SPAG5: variants seen among roughly 807,000 people sequenced by gnomAD.
The protein encoded by SPAG5 is sperm-associated antigen 5.
In SPAG5, 99 loss-of-function variants were observed where a neutral mutation model predicts 145.4. That is an observed-to-expected ratio of 0.68 (90% CI 0.58 to 0.80). The LOEUF (loss-of-function observed/expected upper bound fraction) is 0.80, where lower values mean the gene tolerates loss of function less well. Among genes scored for constraint, SPAG5 ranks in the 30% least tolerant of loss-of-function variants. The pLI is 0.00. For missense variants in SPAG5, 1,192 were observed against 1,416.0 expected (o/e 0.84, Z 2.54); for synonymous variants, 477 against 525.4 (o/e 0.91, Z 1.26).
chr17:28,592,862 T>C lies in SPAG5; in HGVS notation c.382A>G (p.Lys128Glu), dbSNP rs2070632572. 1.2e-6 allele frequency: 2 copies of C among 1,614,242 alleles called. No individual in the cohort carries two copies. The highest frequency in any genetic ancestry group is 8.5e-7 in the Non-Finnish European group (1 of 1,180,036). ...AVDPLGNYMVKTIVLVPSPLG... is the reference protein window; with the variant it reads ...AVDPLGNYMVETIVLVPSPLG... ...GGAGATGGTACAAGGACGATGGTTT[T>C]AACCATATAATTGCCCAGTGGGTCT... Residue 128 changes from lysine to glutamate, a missense_variant, in exon 3 of 24, where the codon AAA (lysine) becomes GAA (glutamate). Physicochemically the swap from Lys to Glu is moderately conservative, Grantham distance 56. Around this residue, in one of 5 missense-constraint regions of SPAG5, gnomAD observed 329 missense variants for 354.0 expected, o/e 0.93. Coordinates refer to ENST00000321765, the MANE Select transcript of SPAG5 (RefSeq NM_006461.4).
chr17:28,585,381 C>T lies in SPAG5; in HGVS notation c.1891G>A (p.Val631Ile), dbSNP rs2070577626. 1.9e-6 allele frequency: 3 copies of T among 1,614,264 alleles called. No homozygotes were observed. The highest frequency in any genetic ancestry group is 2.5e-6 in the Non-Finnish European group (3 of 1,180,048). ...GAAGTAAGACTCACTGTCTGCTGAA[C>T]CAGCTCTTCTTGCTTGGCATGAAGC... ...VGLHAKQEEL[V>I]QQTVSLTSTL... The change falls in exon 9 of 24, where the codon GTT (valine) becomes ATT (isoleucine). Residue 631 changes from valine to isoleucine, a missense_variant. Coordinates refer to ENST00000321765, the MANE Select transcript of SPAG5 (RefSeq NM_006461.4).
At position 28,578,205 on chromosome 17, in the gene SPAG5, T is replaced by C. The variant is rs774008056; in HGVS notation, c.3429+13A>G. ...GGTAGGAAATGGCCCTGGAATGGCA[T>C]GGACATTCTTACATGGCTCTGGAAC... On this transcript the variant is annotated intron_variant, in intron 22 of 23. Transcript: ENST00000321765. 4.3e-5 allele frequency: 70 copies of C among 1,613,716 alleles called. No individual in the cohort carries two copies. In the Admixed American group the frequency reaches 1.1e-3, roughly 27 times the overall value.
chr17:28,591,970 A>T lies in SPAG5; in HGVS notation c.1262+12T>A. On this transcript the variant is annotated intron_variant, in intron 3 of 23. Transcript: ENST00000321765. Reference sequence around the variant, plus strand: ...TGGAACTCACGAGGTGCAAGGACATAGGGGCGCTTACCCACACAGGAGCTG... The same window carrying T: ...TGGAACTCACGAGGTGCAAGGACATTGGGGCGCTTACCCACACAGGAGCTG... 1 of 1,613,172 alleles carries T rather than the reference A, an allele frequency of 6.2e-7. No homozygotes were observed. The highest frequency in any genetic ancestry group is 8.5e-7 in the Non-Finnish European group (1 of 1,179,304).
In SPAG5 at chr17:28,585,901, C is replaced by A; in HGVS notation, c.1703G>T (p.Arg568Met). Residue 568 changes from arginine to methionine, a missense_variant, in exon 7 of 24, where the codon AGG (arginine) becomes ATG (methionine). Physicochemically the swap from Arg to Met is moderately conservative, Grantham distance 91 (BLOSUM62 -1). This residue lies in a region of SPAG5 where 709 missense variants were observed against 840.7 expected (regional missense o/e 0.84). Transcript: ENST00000321765. Reference sequence around the variant, plus strand: ...TCTGAGAGCCATTTCCTCTCTGTGCCTTGCCTCCTCCCTTTCTGCTTTGAG... The same window carrying A: ...TCTGAGAGCCATTTCCTCTCTGTGCATTGCCTCCTCCCTTTCTGCTTTGAG... Reference protein sequence around the residue: ...QSLKAEREEARHREEMALRGK... With the variant: ...QSLKAEREEAMHREEMALRGK... The A allele has an allele frequency of 6.2e-7, 1 of 1,614,246 alleles. No homozygotes were observed. Among genetic ancestry groups the A allele is most frequent in the Non-Finnish European group, 8.5e-7 (1 of 1,180,046 alleles).
chr17:28,583,623 T>C lies in SPAG5; in HGVS notation c.2573A>G (p.Asp858Gly), dbSNP rs989918350. 1.2e-6 allele frequency: 2 copies of C among 1,612,442 alleles called. No individual in the cohort carries two copies. The highest frequency in any genetic ancestry group is 2.7e-5 in the African/African-American group (2 of 74,780). Residue 858 changes from aspartate (D) to glycine (G), a missense_variant, in exon 15 of 24, where the codon GAT becomes GGT. Around this residue, in one of 5 missense-constraint regions of SPAG5, gnomAD observed 709 missense variants for 840.7 expected, o/e 0.84. Coordinates refer to ENST00000321765, the MANE Select transcript of SPAG5 (RefSeq NM_006461.4). ...LTAKLASTIA[D>G]NQEQDLEKTR... ...TTTCTCCAGATCTTGCTCCTGGTTA[T>C]CTGCTATGGTGCTGGCCAGTTTAGC... is the stretch of plus-strand genomic sequence containing the variant.
At chr17:28,595,264 A>AG (rs1459199409) in intron 2 of SPAG5, among the ~76,000 whole-genome samples, 6 of 151,852 alleles carry the variant, frequency 4.0e-5, no homozygotes, top group Admixed American at 1.3e-4. Context: ...TCTCAAAAAA[A>AG]AAAAAAAAAA....
intron 2 of SPAG5, among the ~76,000 whole-genome samples, chr17:28,596,046 CA>C (rs998997268): frequency 2.1e-5 from 3 of 140,624 alleles, no homozygotes; most frequent in Non-Finnish European, 4.7e-5. Context: ...GACTCCGTCT[CA>C]AAAAAAAAAT....
Position 28,591,864 on chromosome 17 carries a change from G to A in SPAG5, c.1271C>T (p.Pro424Leu). 2 of 1,613,650 alleles carry A rather than the reference G, an allele frequency of 1.2e-6. No individual in the cohort carries two copies. The highest frequency in any genetic ancestry group is 1.7e-5 in the Admixed American group (1 of 59,972). Residue 424 changes from proline (P) to leucine (L), a missense_variant, in exon 4 of 24, where the codon CCA (proline) becomes CTA (leucine). By Grantham distance (98) the Pro-to-Leu change is moderately conservative. This residue lies in a region of SPAG5 where 125 missense variants were observed against 143.8 expected (regional missense o/e 0.87). Transcript: ENST00000321765. ...ATGTCGAGACAAGGCAGTCAGATCT[G>A]GAGGCCGGCTGCAGCAGAAAGAGAA... ...ETEQLLCGRPPDLTALSRHDL... is the reference protein window; with the variant it reads ...ETEQLLCGRPLDLTALSRHDL...
chr17:28,590,396 T>G (rs2070612297), intron 4 of SPAG5, among the ~76,000 whole-genome samples: 1 of 151,902 alleles, frequency 6.6e-6, no homozygotes, highest in Non-Finnish European at 1.5e-5. Context: ...ACCCAGCTAA[T>G]TTTTGTATTT....
rs748045902 is a variant in SPAG5, at chr17:28,598,986, T to G, written c.-40A>C. ...CAGGCCTATCACGTCTCAGACCAAG[T>G]CGAGGACGCCATGTTCACCCGCCGT... On this transcript the variant is annotated 5_prime_UTR_variant, in exon 1 of 24. Coordinates refer to ENST00000321765, the MANE Select transcript of SPAG5 (RefSeq NM_006461.4). The G allele has an allele frequency of 2.5e-6, 4 of 1,600,690 alleles. No individual in the cohort carries two copies. The highest frequency in any genetic ancestry group is 2.6e-6 in the Non-Finnish European group (3 of 1,168,030).
rs917651655 is a variant in SPAG5 at position 28,580,245 on chromosome 17, T to C, written c.2686-125A>G. On this transcript the variant is annotated intron_variant, in intron 15 of 23. Transcript: ENST00000321765. ...ATTATCTCAATTCTCTATCTTCAAC[T>C]TCTCCATTAGTGCCTTTCTCTGAAC... is the stretch of plus-strand genomic sequence containing the variant. The C allele has an allele frequency of 2.6e-5, 15 of 566,390 alleles. No homozygotes were observed. The African/African-American group carries it at 2.8e-4, about 11-fold the overall frequency. The allele number at this position is 566,390 out of a possible 1,614,324, so 35.1% of individuals were successfully genotyped here.
chr17:28,598,844 C>A, intron 1 of SPAG5, 52 bp downstream of exon 1: 1 of 1,598,834 alleles, frequency 6.3e-7, no homozygotes, highest in South Asian at 1.1e-5. Context: ...CGGCCGGTGC[C>A]CCCGCGACAG....
At position 28,579,929 on chromosome 17, in the gene SPAG5, G is replaced by A. The variant is rs1019654285; in HGVS notation, c.2797+80C>T. ...AAGCCAGGGTAAGATAGACAAGCCC[G>A]CTGGTGGACATCTTCAACAGCAGAA... On this transcript the variant is annotated intron_variant, in intron 16 of 23. Transcript: ENST00000321765. 2.0e-5 allele frequency: 30 copies of A among 1,519,974 alleles called. No individual in the cohort carries two copies. The African/African-American group carries it at 2.7e-4, about 14-fold the overall frequency. The allele number at this position is 1,519,974 out of a possible 1,614,324, so 94.2% of individuals were successfully genotyped here. A position where few individuals can be genotyped will look rare whatever the true frequency, so the allele number is the denominator to read the frequency against.
rs141460245 is a variant in SPAG5 at position 28,592,415 on chromosome 17, C to T, written c.829G>A (p.Glu277Lys). The change falls in exon 3 of 24, where the codon GAA becomes AAA. Residue 277 changes from glutamate to lysine, a missense_variant. By Grantham distance (56) the Glu-to-Lys change is moderately conservative. Coordinates refer to ENST00000321765, the MANE Select transcript of SPAG5 (RefSeq NM_006461.4). ...EEIVEHGAME[E>K]REMRFPTHPK... ...TGTGTGGGAAACCTCATTTCTCTTT[C>T]CTCCATAGCTCCATGCTCTACAATT... 6.2e-7 allele frequency: 1 copy of T among 1,613,816 alleles called. No individual in the cohort carries two copies. The highest frequency in any genetic ancestry group is 8.5e-7 in the Non-Finnish European group (1 of 1,180,036).
At chr17:28,590,218 G>T (rs1171279154) in intron 4 of SPAG5, among the ~76,000 whole-genome samples, 3 of 152,066 alleles carry the variant, frequency 2.0e-5, no homozygotes, top group Non-Finnish European at 2.9e-5. Context: ...ATAAGAAATA[G>T]TTCAGCAACA....
rs1460557298 is a variant in SPAG5 at position 28,578,471 on chromosome 17, T to G, written c.3256A>C (p.Thr1086Pro). The change falls in exon 21 of 24, where the codon ACC (threonine) becomes CCC (proline). Residue 1086 changes from threonine to proline, a missense_variant. Physicochemically the swap from Thr to Pro is conservative, Grantham distance 38. Transcript: ENST00000321765. ...TRSLRRAETE[T>P]KVLQEALAGQ... ...GCCAGGGCCTCCTGGAGCACTTTGG[T>G]CTCTGTCTCCGCACGCCGAAGTGAG... 1.2e-6 allele frequency: 2 copies of G among 1,613,442 alleles called. No individual in the cohort carries two copies. The highest frequency in any genetic ancestry group is 2.7e-5 in the African/African-American group (2 of 74,910).
rs1467893246 is a variant in SPAG5, at chr17:28,579,422, A to T, written c.2948T>A (p.Leu983His). The T allele has an allele frequency of 3.1e-6, 5 of 1,614,034 alleles. No individual in the cohort carries two copies. Among genetic ancestry groups the T allele is most frequent in the African/African-American group, 1.3e-5 (1 of 74,926 alleles). The change falls in exon 18 of 24, where the codon CTT becomes CAT. Residue 983 changes from leucine (L) to histidine (H), a missense_variant. Physicochemically the swap from Leu to His is moderately conservative, Grantham distance 99 (BLOSUM62 -3). This residue lies in a region of SPAG5 where 709 missense variants were observed against 840.7 expected (regional missense o/e 0.84). Transcript: ENST00000321765. ...TTTAGACTCTTGTAGCAGGGAACAA[A>T]GACTCTGAAGCTCAGTAGTCATAAT... Reference protein sequence around the residue: ...MSIMTTELQSLCSLLQESKEE... With the variant: ...MSIMTTELQSHCSLLQESKEE...
In SPAG5 at chr17:28,578,252, T is replaced by C. The variant is rs2070521129; in HGVS notation, c.3395A>G (p.Glu1132Gly). 3 of 1,614,094 alleles carry C rather than the reference T, an allele frequency of 1.9e-6. No homozygotes were observed. Among genetic ancestry groups the C allele is most frequent in the Middle Eastern group, 1.6e-4 (1 of 6,084 alleles). Reference protein sequence around the residue: ...LRVMFLEMKNEKEKLMIKFQS... With the variant: ...LRVMFLEMKNGKEKLMIKFQS... ...GAACTTGATCATGAGTTTTTCCTTC[T>C]CATTTTTCATCTCCAGGAACATCAC... Residue 1132 changes from glutamate (E) to glycine (G), a missense_variant, in exon 22 of 24, where the codon GAG (glutamate) becomes GGG (glycine). Glu to Gly is a moderately conservative substitution (Grantham distance 98). Around this residue, in one of 5 missense-constraint regions of SPAG5, gnomAD observed 709 missense variants for 840.7 expected, o/e 0.84. Transcript: ENST00000321765.
intron 4 of SPAG5, among the ~76,000 whole-genome samples, chr17:28,589,121 C>CA (rs2070604367): frequency 6.7e-6 from 1 of 149,740 alleles, no homozygotes; most frequent in Non-Finnish European, 1.5e-5. Flanking sequence ...TTTTTTGAGA[C>CA]AGAGTCTTAC....
Sources: gnomAD v4.1 joint callset for allele counts (sites outside exome capture counted in the v4.1 genomes callset) on GRCh38, gnomAD v4.1.1 for gene constraint, gnomAD v4.1.1 regional missense constraint, MANE v1.5 for transcripts, NCBI Gene and HGNC (gene_info 2026-07-23, HGNC 2026-07-21) for gene names.